ADGRL2: variants seen among roughly 807,000 people sequenced by gnomAD.
The protein encoded by ADGRL2 is calcium-independent alpha-latrotoxin receptor 2.
In ADGRL2, 44 loss-of-function variants were observed where a neutral mutation model predicts 157.4. The ratio of observed to expected loss-of-function variants is 0.28; its 90% confidence interval spans 0.22 to 0.36. The LOEUF (loss-of-function observed/expected upper bound fraction) is 0.36. Ranked by LOEUF, ADGRL2 falls within the 10% of genes least tolerant of loss-of-function variation. The pLI, the probability that ADGRL2 is intolerant of heterozygous loss-of-function variation, is 1.00. For synonymous variants in ADGRL2, 585 were observed against 624.7 expected (o/e 0.94, Z 0.95); for missense variants, 1,510 against 1,768.9 (o/e 0.85, Z 2.63).
At chr1:81,816,563 A>G (rs1356798314) in intron 1 of ADGRL2, among the ~76,000 whole-genome samples, 1 of 151,924 alleles carries the variant, frequency 6.6e-6, no homozygotes, top group Admixed American at 6.6e-5. Context: ...ACCAGGATAT[A>G]AATTTAGTAA....
At chr1:81,708,057 G>C (rs1394547603) in intron 1 of ADGRL2, among the ~76,000 whole-genome samples, 1 of 152,072 alleles carries the variant, frequency 6.6e-6, no homozygotes, top group Non-Finnish European at 1.5e-5. Flanking sequence ...TTAGTTGTAA[G>C]AATATCTCTG....
At chr1:81,671,298 A>T (rs2082870436) in intron 3 of ADGRL2, among the ~76,000 whole-genome samples, 1 of 152,182 alleles carries the variant, frequency 6.6e-6, no homozygotes, top group South Asian at 2.1e-4. Flanking sequence ...GCTTGTTCTT[A>T]ACCACTCACT....
At chr1:81,420,671 T>C (rs1321337866) in intron 1 of ADGRL2, among the ~76,000 whole-genome samples, 1 of 152,188 alleles carries the variant, frequency 6.6e-6, no homozygotes, top group African/African-American at 2.4e-5. Flanking sequence ...TTCTGCCCAG[T>C]ACTCTATTGA....
At chr1:81,521,853 T>G (rs1469193153) in intron 2 of ADGRL2, among the ~76,000 whole-genome samples, 1 of 152,224 alleles carries the variant, frequency 6.6e-6, no homozygotes, top group Non-Finnish European at 1.5e-5. Flanking sequence ...TTCATAGTCC[T>G]TCTCCTGTGT....
intron 2 of ADGRL2, among the ~76,000 whole-genome samples, chr1:81,529,389 C>T (rs546366541): frequency 1.3e-5 from 2 of 152,308 alleles, no homozygotes; most frequent in African/African-American, 2.4e-5. Context: ...GTGCTAGTAA[C>T]GGACTGCAGA....
rs904949885 is a variant in ADGRL2, at chr1:81,959,806, GT to G, written c.2017+3757del. Among the ~76,000 whole-genome samples the G allele has an allele frequency of 5.4e-4, 78 of 145,146 alleles. No homozygotes were observed. In the East Asian group the frequency reaches 9.8e-3, roughly 18 times the overall value. On this transcript the variant is annotated intron_variant, in intron 11 of 23. Transcript: ENST00000686636. ...CTGATAGATATGTCAGTTGAGTTTT[GT>G]TTTTTTTTTTGAGATGGAGTTCCAC...
intron 1 of ADGRL2, among the ~76,000 whole-genome samples, chr1:81,419,688 T>C (rs1045046088): frequency 1.3e-5 from 2 of 152,226 alleles, no homozygotes; most frequent in Non-Finnish European, 2.9e-5. Context: ...TTTTGTACTA[T>C]GGACAATGCT....
chr1:81,389,979 T>G (rs1159288274), intron 1 of ADGRL2, among the ~76,000 whole-genome samples: 1 of 152,168 alleles, frequency 6.6e-6, no homozygotes, highest in Admixed American at 6.6e-5. Context: ...ATAAATCTCC[T>G]AACCAAAAGA....
At chr1:81,603,838 G>A (rs537637828) in intron 3 of ADGRL2, among the ~76,000 whole-genome samples, 5 of 152,090 alleles carry the variant, frequency 3.3e-5, no homozygotes, top group African/African-American at 9.7e-5. Flanking sequence ...TTATTTATTA[G>A]GGTCTAAATA....
At chr1:81,916,558 G>T (rs954132585) in intron 3 of ADGRL2, among the ~76,000 whole-genome samples, 81 of 151,664 alleles carry the variant, frequency 5.3e-4, no homozygotes, top group African/African-American at 1.9e-3. Flanking sequence ...TTTTCTACCA[G>T]TTAAAAAAAG....
In ADGRL2 at chr1:81,414,168, CA is replaced by C. The variant is rs1250369740; in HGVS notation, c.-301-30867del. 4 of 79,762 alleles carry C rather than the reference CA, an allele frequency of 5.0e-5. No individual in the cohort carries two copies. The South Asian group carries it at 9.6e-4, about 19-fold the overall frequency. 4.9% of individuals were successfully genotyped at this position (79,762 alleles called of 1,614,324 possible). On this transcript the variant is annotated intron_variant, in intron 1 of 24. Transcript: ENST00000370721. ...TAAACACACTTCACCTTTCTTTCTT[CA>C]GTTTCAGGGTAGAAAGGGTCCCTTT...
chr1:81,768,325 G>C lies in ADGRL2; in HGVS notation c.-101+6473G>C, dbSNP rs187744461. Among the ~76,000 whole-genome samples the C allele has an allele frequency of 9.9e-5, 15 of 152,236 alleles. No homozygotes were observed. In the East Asian group the frequency reaches 2.5e-3, roughly 26 times the overall value. ...TCATCTGCTGAGGTTATAGGTGTGA[G>C]CTACTGCACCTAGCTAGCCAGAGTT... On this transcript the variant is annotated intron_variant, in intron 2 of 20. Transcript: ENST00000359929.
chr1:81,308,509 A>G (rs1314561438), intron 1 of ADGRL2, among the ~76,000 whole-genome samples: 1 of 152,186 alleles, frequency 6.6e-6, no homozygotes. Flanking sequence ...AAGGAACGCC[A>G]TGTAATACTC....
chr1:81,548,150 C>T (rs1024319876), intron 2 of ADGRL2, among the ~76,000 whole-genome samples: 12 of 152,214 alleles, frequency 7.9e-5, no homozygotes, highest in African/African-American at 1.4e-4. Flanking sequence ...CAACTACACA[C>T]GTAACTGAAG....
intron 1 of ADGRL2, among the ~76,000 whole-genome samples, chr1:81,354,807 T>C (rs1375256550): frequency 6.6e-6 from 1 of 152,224 alleles, no homozygotes; most frequent in African/African-American, 2.4e-5. Context: ...TGTCAACTAG[T>C]CCCATGCCTT....
rs143812585 is a variant in ADGRL2, at chr1:81,570,542, C to A, written c.-247-10334C>A. Among the ~76,000 whole-genome samples, 356 of 152,186 alleles carry A rather than the reference C, an allele frequency of 2.3e-3. 2 individuals carry two copies. Among genetic ancestry groups the A allele is most frequent in the African/African-American group, 7.9e-3 (330 of 41,522 alleles). ...TAGCTGGGGCTACAGGCGTGTGCCA[C>A]CACACCAGGCTAATTTTTGTATTTT... is the stretch of plus-strand genomic sequence containing the variant. On this transcript the variant is annotated intron_variant, in intron 2 of 24. Coordinates refer to the ADGRL2 transcript ENST00000370721.
intron 1 of ADGRL2, among the ~76,000 whole-genome samples, chr1:81,383,149 T>C (rs1336592482): frequency 6.6e-6 from 1 of 152,200 alleles, no homozygotes. Context: ...TGAGCCGCAT[T>C]ACAGGAAAGC....
intron 3 of ADGRL2, among the ~76,000 whole-genome samples, chr1:81,678,897 C>G (rs1189730946): frequency 1.3e-5 from 2 of 152,178 alleles, no homozygotes; most frequent in Non-Finnish European, 2.9e-5. Context: ...TAGCATAGTG[C>G]TGACAGTGAA....
chr1:81,909,007 T>A (rs896071013), intron 3 of ADGRL2, among the ~76,000 whole-genome samples: 2 of 152,000 alleles, frequency 1.3e-5, no homozygotes, highest in Non-Finnish European at 2.9e-5. Context: ...CCTGAGTAGC[T>A]GGGATTACAG....
Sources: gnomAD v4.1 joint callset for allele counts (sites outside exome capture counted in the v4.1 genomes callset) on GRCh38, gnomAD v4.1.1 for gene constraint, MANE v1.5 for transcripts, NCBI Gene and HGNC (gene_info 2026-07-23, HGNC 2026-07-21) for gene names.